Variants in PHIP observed in about 807,000 individuals in gnomAD.
The protein encoded by PHIP is PHIP subunit of CUL4-Ring ligase complex.
PHIP carries 54 observed loss-of-function variants against 236.8 expected under a neutral mutation model. The observed-to-expected ratio is 0.23, with a 90% CI of 0.18 to 0.29. The LOEUF is 0.29. Ranked by LOEUF, PHIP falls within the 10% of genes least tolerant of loss-of-function variation. The pLI, the probability that PHIP is intolerant of heterozygous loss-of-function variation, is 1.00. For synonymous variants in PHIP, 756 were observed against 718.9 expected (o/e 1.05, Z -0.83); for missense variants, 1,370 against 2,190.8 (o/e 0.63, Z 7.48).
At chr6:78,979,040 A>C (rs1768323077) in intron 23 of PHIP, among the ~76,000 whole-genome samples, 1 of 152,120 alleles carries the variant, frequency 6.6e-6, no homozygotes, top group Non-Finnish European at 1.5e-5. Flanking sequence ...AAATGACTTA[A>C]AGTATATAGG....
chr6:79,033,688 A>G (rs998227738), intron 7 of PHIP, among the ~76,000 whole-genome samples: 1 of 152,184 alleles, frequency 6.6e-6, no homozygotes. Context: ...AACTTTCTCT[A>G]TATCAGCAAT....
At position 79,033,274 on chromosome 6, in the gene PHIP, C is replaced by A. The variant is rs561178473; in HGVS notation, c.601-7110G>T. 3.9e-4 allele frequency among the ~76,000 whole-genome samples: 60 copies of A among 152,290 alleles called. 1 individual carries two copies. Among genetic ancestry groups the A allele is most frequent in the Admixed American group, 1.5e-3 (23 of 15,290 alleles). On this transcript the variant is annotated intron_variant, in intron 7 of 39. Coordinates refer to ENST00000275034, the MANE Select transcript of PHIP (RefSeq NM_017934.7). ...AGTCACTAGCTGCATCAGCCCTGAA[C>A]AAAAGAGTCAGCCTGCTTTTTGAAG...
intron 12 of PHIP, 22 bp from the exon 13 acceptor site, chr6:79,016,664 C>A (rs367552709): frequency 2.0e-6 from 3 of 1,467,790 alleles, no homozygotes; most frequent in Non-Finnish European, 2.8e-6. Flanking sequence ...GGAATCCGAT[C>A]CCCCAAAGAA....
intron 16 of PHIP, among the ~76,000 whole-genome samples, chr6:79,002,569 T>G (rs1381858254): frequency 1.3e-5 from 2 of 152,116 alleles, no homozygotes; most frequent in Non-Finnish European, 2.9e-5. Context: ...TGTCTAGATA[T>G]GCTACCCACC....
At chr6:79,069,164 CATTA>C (rs539968766) in intron 4 of PHIP, among the ~76,000 whole-genome samples, 88 of 147,866 alleles carry the variant, frequency 6.0e-4, no homozygotes, top group African/African-American at 2.1e-3. Context: ...ATTGTATATA[CATTA>C]ATTATATTTT....
intron 33 of PHIP, 81 bp downstream of exon 33, chr6:78,955,532 G>A: frequency 1.7e-6 from 1 of 587,358 alleles, no homozygotes; most frequent in Non-Finnish European, 3.0e-6. Context: ...GTTCACAACA[G>A]CTTTTACCTG....
At chr6:79,075,732 A>T (rs1187308070) in intron 4 of PHIP, among the ~76,000 whole-genome samples, 3 of 152,072 alleles carry the variant, frequency 2.0e-5, no homozygotes, top group Non-Finnish European at 4.4e-5. Flanking sequence ...AAAAAATGTA[A>T]CATTACCAAA....
intron 9 of PHIP, among the ~76,000 whole-genome samples, 175 bp downstream of exon 9, chr6:79,025,342 CAT>C (rs1292148935): frequency 6.6e-6 from 1 of 150,974 alleles, no homozygotes; most frequent in Non-Finnish European, 1.5e-5. Flanking sequence ...TTCTTTGAAA[CAT>C]AAAAAAAGGG....
chr6:79,016,784 T>A (rs1362349395), intron 12 of PHIP, 142 bp from the exon 13 acceptor site: 1 of 514,294 alleles, frequency 1.9e-6, no homozygotes, highest in Non-Finnish European at 3.5e-6. Context: ...CTTTATGGGC[T>A]TTTTAGAATT....
At chr6:78,970,006 C>T (rs1165872292) in intron 26 of PHIP, 43 bp downstream of exon 26, 5 of 1,606,074 alleles carry the variant, frequency 3.1e-6, no homozygotes, top group Non-Finnish European at 4.3e-6. Flanking sequence ...GAAAAACAAT[C>T]TACAATACTA....
chr6:78,972,278 C>T (rs1369428326), intron 24 of PHIP, among the ~76,000 whole-genome samples: 590 of 132,054 alleles, frequency 4.5e-3, no homozygotes, highest in African/African-American at 7.3e-3. Flanking sequence ...ACTGACACCT[C>T]ACACTGCAGG....
intron 16 of PHIP, among the ~76,000 whole-genome samples, chr6:79,003,297 A>G (rs1397291002): frequency 6.6e-6 from 1 of 152,116 alleles, no homozygotes; most frequent in Non-Finnish European, 1.5e-5. Flanking sequence ...AAAAAACATT[A>G]ACTACAATCA....
chr6:79,014,208 A>G (rs1770728085), intron 15 of PHIP, among the ~76,000 whole-genome samples: 1 of 151,780 alleles, frequency 6.6e-6, no homozygotes, highest in African/African-American at 2.4e-5. Context: ...TCAATCAAGC[A>G]TAGCATCACA....
intron 7 of PHIP, among the ~76,000 whole-genome samples, chr6:79,038,168 A>G (rs944133854): frequency 5.9e-5 from 9 of 152,242 alleles, no homozygotes; most frequent in Admixed American, 2.6e-4. Flanking sequence ...TGGAGCTGCT[A>G]TAACAAAATA....
At chr6:79,004,603 T>C (rs1226493435) in intron 15 of PHIP, among the ~76,000 whole-genome samples, 1 of 152,110 alleles carries the variant, frequency 6.6e-6, no homozygotes, top group Non-Finnish European at 1.5e-5. Flanking sequence ...ACAACTAAAA[T>C]AGGGAGTTGA....
At chr6:78,962,184 C>G (rs1038521124) in intron 30 of PHIP, among the ~76,000 whole-genome samples, 3 of 152,078 alleles carry the variant, frequency 2.0e-5, no homozygotes, top group African/African-American at 7.2e-5. Context: ...CAAATCTAAC[C>G]TTTGACTTTC....
intron 7 of PHIP, among the ~76,000 whole-genome samples, chr6:79,038,939 C>T (rs539940508): frequency 6.6e-6 from 1 of 152,286 alleles, no homozygotes; most frequent in South Asian, 2.1e-4. Flanking sequence ...TATACTCTTC[C>T]ATCTCACTCC....
intron 6 of PHIP, among the ~76,000 whole-genome samples, chr6:79,045,176 C>T (rs1338573885): frequency 6.6e-6 from 1 of 152,086 alleles, no homozygotes; most frequent in Admixed American, 6.6e-5. Context: ...CATTGACAAA[C>T]TTGTGTTAAC....
chr6:79,070,658 A>G (rs1040460579), intron 4 of PHIP, among the ~76,000 whole-genome samples: 10 of 152,128 alleles, frequency 6.6e-5, no homozygotes, highest in Middle Eastern at 3.2e-3. Flanking sequence ...TCCAATCTTC[A>G]TGGGGGAATG....
Sources: gnomAD v4.1 joint callset for allele counts (sites outside exome capture counted in the v4.1 genomes callset) on GRCh38, gnomAD v4.1.1 for gene constraint, MANE v1.5 for transcripts, NCBI Gene and HGNC (gene_info 2026-07-23, HGNC 2026-07-21) for gene names.